FNDC5: variants seen among roughly 807,000 people sequenced by gnomAD.
FNDC5 encodes the protein fibronectin type III domain-containing protein 5.
Under a neutral mutation model 24.6 loss-of-function variants are expected in FNDC5, and 10 were observed. The ratio of observed to expected loss-of-function variants is 0.41; its 90% CI spans 0.25 to 0.69. The LOEUF is 0.69. FNDC5 is among the 30% of genes least tolerant of loss of function. The pLI is 0.34. For missense variants in FNDC5, 226 were observed against 282.9 expected, an observed-to-expected ratio of 0.80 and a Z score of 1.44; for synonymous variants, 90 against 110.7, an observed-to-expected ratio of 0.81 and a Z score of 1.18.
In FNDC5 at chr1:32,868,738, T is replaced by C. The variant is rs1641124042; in HGVS notation, c.210+144A>G. ...TGAATGGGGCCCCAATTTTCAGACA[T>C]ATGTCCAAATTGCTGTTCATCTCCC... On this transcript the variant is annotated intron_variant, in intron 2 of 5. Transcript: ENST00000373471. The surrounding 1 kb of genome is among the most constrained non-coding windows in gnomAD (Gnocchi z 4.8). The C allele has an allele frequency of 1.7e-6, 1 of 576,422 alleles. No homozygotes were observed. The highest frequency in any genetic ancestry group is 2.7e-6 in the Non-Finnish European group (1 of 368,328). 35.7% of individuals were successfully genotyped at this position (576,422 alleles called of 1,614,324 possible).
chr1:32,864,407 C>T (rs890552609), intron 5 of FNDC5, 108 bp from the exon 6 acceptor site: 45 of 1,532,812 alleles, frequency 2.9e-5, no homozygotes, highest in Non-Finnish European at 3.7e-5. Context: ...TATTGTCCCG[C>T]GCCAACCAAG....
At chr1:32,870,612 A>C in intron 1 of FNDC5, 41 bp downstream of exon 1, 1 of 1,146,460 alleles carries the variant, frequency 8.7e-7, no homozygotes, top group Non-Finnish European at 1.1e-6. Flanking sequence ...GCTCGAGAGG[A>C]GCCTGCCCCG....
chr1:32,869,519 T>TCC, intron 1 of FNDC5, among the ~76,000 whole-genome samples: 1 of 152,300 alleles, frequency 6.6e-6, no homozygotes, highest in Non-Finnish European at 1.5e-5. Context: ...AGAAGTATCC[T>TCC]CAGAGCTGTG....
At chr1:32,871,403 C>CT (rs1641182516), upstream of FNDC5, among the ~76,000 whole-genome samples, 1 of 152,160 alleles carries the variant, frequency 6.6e-6, no homozygotes, top group Admixed American at 6.5e-5. Flanking sequence ...TCCGTGTTTC[C>CT]AGTGGGGTTG....
rs887993938 is a variant in FNDC5, at chr1:32,870,772, G to C, written c.-26C>G. On this transcript the variant is annotated 5_prime_UTR_variant, in exon 1 of 6. Coordinates refer to ENST00000373471, the MANE Select transcript of FNDC5 (RefSeq NM_153756.3). ...GGTGGCTCCTCCGGCCGGCAGGCCC[G>C]GGGCGGCGCAGGGGGACGCGGCTCC... 5.9e-6 allele frequency: 6 copies of C among 1,022,986 alleles called. No individual in the cohort carries two copies. The African/African-American group carries it at 1.0e-4, about 18-fold the overall frequency. 63.4% of individuals were successfully genotyped at this position (1,022,986 alleles called of 1,614,324 possible).
chr1:32,869,217 C>T (rs1641130681), intron 1 of FNDC5, among the ~76,000 whole-genome samples: 1 of 152,248 alleles, frequency 6.6e-6, no homozygotes, highest in Admixed American at 6.5e-5. Context: ...GGACGGAAGC[C>T]CCTGCTGGCC....
upstream of FNDC5, among the ~76,000 whole-genome samples, chr1:32,871,683 G>A (rs1202529355): frequency 2.6e-5 from 4 of 152,180 alleles, no homozygotes; most frequent in Non-Finnish European, 5.9e-5. Flanking sequence ...TTGAACACAG[G>A]CTGATCTGAC....
In FNDC5 at chr1:32,867,719, G is replaced by A. The variant is rs145120852; in HGVS notation, c.499+34C>T. ...CAGAGTCCTCCATTTCCCAGAATCTGAGGGAAGAAGAAGGTCTCGGAGGCC... is the reference window on the plus strand; with the variant it reads ...CAGAGTCCTCCATTTCCCAGAATCTAAGGGAAGAAGAAGGTCTCGGAGGCC... On this transcript the variant is annotated intron_variant, in intron 4 of 5. Transcript: ENST00000373471. The A allele has an allele frequency of 4.0e-5, 64 of 1,598,322 alleles. No individual in the cohort carries two copies. The East Asian group carries it at 6.9e-4, about 17-fold the overall frequency.
intron 3 of FNDC5, 76 bp from the exon 4 acceptor site, chr1:32,867,918 C>T: frequency 1.4e-6 from 2 of 1,424,376 alleles, no homozygotes; most frequent in South Asian, 1.2e-5. Context: ...CCCAAGACAA[C>T]AGTGCTGATT....
In FNDC5 at chr1:32,870,722, A is replaced by G; in HGVS notation, c.25T>C (p.Trp9Arg). 8.5e-7 allele frequency: 1 copy of G among 1,176,366 alleles called. No homozygotes were observed. The highest frequency in any genetic ancestry group is 1.0e-6 in the Non-Finnish European group (1 of 953,118). The allele number at this position is 1,176,366 out of a possible 1,614,324, so 72.9% of individuals were successfully genotyped here. A position where few individuals can be genotyped will look rare whatever the true frequency, so the allele number is the denominator to read the frequency against. ...AGCGCGGCGCGGGCGCGGGGCGGCCAGGCGCTCGGCGACCCGGGGTGTATG... is the reference window on the plus strand; with the variant it reads ...AGCGCGGCGCGGGCGCGGGGCGGCCGGGCGCTCGGCGACCCGGGGTGTATG... Residue 9 changes from tryptophan (W) to arginine (R), a missense_variant, in exon 1 of 6, where the codon TGG becomes CGG. Trp to Arg is a moderately radical substitution (Grantham distance 101). Transcript: ENST00000373471.
At chr1:32,864,849 C>T in intron 4 of FNDC5, 52 bp from the exon 5 acceptor site, 2 of 1,604,950 alleles carry the variant, frequency 1.2e-6, no homozygotes, top group East Asian at 2.2e-5. Flanking sequence ...TTCCTGCCTC[C>T]CCTGCTTCTT....
chr1:32,864,429 C>G (rs1641029714), intron 5 of FNDC5, 130 bp from the exon 6 acceptor site: 4 of 1,498,660 alleles, frequency 2.7e-6, no homozygotes, highest in Admixed American at 2.5e-5. Context: ...ATTCTGCCCT[C>G]CCCACTCACT....
upstream of FNDC5, chr1:32,872,331 C>T (rs1641195563): frequency 6.6e-6 from 1 of 152,384 alleles, no homozygotes; most frequent in Admixed American, 6.5e-5. Flanking sequence ...CCTCAGTGCC[C>T]CCAGACCTGC....
chr1:32,869,664 T>G, intron 1 of FNDC5, among the ~76,000 whole-genome samples: 1 of 147,802 alleles, frequency 6.8e-6, no homozygotes, highest in African/African-American at 2.5e-5. Context: ...CCATGGCGAG[T>G]GGAGAGGAGA....
At position 32,863,595 on chromosome 1, in the gene FNDC5, A is replaced by T; in HGVS notation, c.*699T>A. ...TTGGGTTTGTAGTGCAGCCTCCTTC[A>T]TCTGACTAGGACAAGGAGAAGAGAG... On this transcript the variant is annotated 3_prime_UTR_variant, in exon 6 of 6. Transcript: ENST00000373471. 2 of 840,504 alleles carry T rather than the reference A, an allele frequency of 2.4e-6. No homozygotes were observed. Among genetic ancestry groups the T allele is most frequent in the South Asian group, 1.5e-5 (1 of 66,568 alleles). The allele number at this position is 840,504 out of a possible 1,614,324, so 52.1% of individuals were successfully genotyped here.
rs370217730 is a variant in FNDC5 at position 32,867,849 on chromosome 1, G to GGA, written c.410-9_410-8dup. On this transcript the variant is annotated splice_region_variant and splice_polypyrimidine_tract_variant and intron_variant, in intron 3 of 5. Coordinates refer to ENST00000373471, the MANE Select transcript of FNDC5 (RefSeq NM_153756.3). ...TCTTTCATGGTTACCTCATCTGCAG[G>GGA]GAGAGAGACACTAGATCCAGCACTC... 6.1e-4 allele frequency: 985 copies of GGA among 1,613,650 alleles called. 9 individuals carry two copies. In the African/African-American group the frequency reaches 0.012, roughly 20 times the overall value.
intron 1 of FNDC5, among the ~76,000 whole-genome samples, chr1:32,869,476 TG>T (rs1201579697): frequency 2.6e-5 from 4 of 152,342 alleles, no homozygotes; most frequent in African/African-American, 9.6e-5. Flanking sequence ...AGTGTCAGGC[TG>T]GGGTGAGCCC....
chr1:32,864,124 G>GA lies in FNDC5; in HGVS notation c.*169dup. On this transcript the variant is annotated 3_prime_UTR_variant, in exon 6 of 6. Coordinates refer to ENST00000373471, the MANE Select transcript of FNDC5 (RefSeq NM_153756.3). ...GATGGGAGTTAATAAGAGGCTTCAG[G>GA]AAAGTGCGCCAGAGAGAGGACAGTA... 2 of 1,529,402 alleles carry GA rather than the reference G, an allele frequency of 1.3e-6. No homozygotes were observed. The highest frequency in any genetic ancestry group is 2.6e-5 in the South Asian group (2 of 77,840). The allele number at this position is 1,529,402 out of a possible 1,614,324, so 94.7% of individuals were successfully genotyped here.
chr1:32,863,929 C>G lies in FNDC5; in HGVS notation c.*365G>C, dbSNP rs190199568. On this transcript the variant is annotated 3_prime_UTR_variant, in exon 6 of 6. Transcript: ENST00000373471. ...TCCCTTGTGGAAAGAAAAGAGAAGC[C>G]CTGCCTGGATGTCTTGTCTTTTTGC... is the stretch of plus-strand genomic sequence containing the variant. 10 of 1,271,656 alleles carry G rather than the reference C, an allele frequency of 7.9e-6. No individual in the cohort carries two copies. The highest frequency in any genetic ancestry group is 3.1e-5 in the African/African-American group (2 of 64,614). The allele number at this position is 1,271,656 out of a possible 1,614,324, so 78.8% of individuals were successfully genotyped here. A position where few individuals can be genotyped will look rare whatever the true frequency, so the allele number is the denominator to read the frequency against.
Sources: gnomAD v4.1 joint callset for allele counts (sites outside exome capture counted in the v4.1 genomes callset) on GRCh38, gnomAD v4.1.1 for gene constraint, Gnocchi (gnomAD v3.1) non-coding constraint, MANE v1.5 for transcripts, NCBI Gene and HGNC (gene_info 2026-07-23, HGNC 2026-07-21) for gene names.